Variants in STK3 observed in about 807,000 individuals in gnomAD.
The protein encoded by STK3 is serine/threonine-protein kinase 3.
In STK3, 41 loss-of-function variants were observed where a neutral mutation model predicts 58.0. The ratio of observed to expected loss-of-function variants is 0.71; its 90% confidence interval spans 0.55 to 0.92. The LOEUF (loss-of-function observed/expected upper bound fraction) is 0.92. STK3 is among the 40% of genes least tolerant of loss of function. STK3 has a pLI of 0.00. For synonymous variants in STK3, 170 were observed against 191.0 expected (o/e 0.89, Z 0.91); for missense variants, 479 against 602.7 (o/e 0.79, Z 2.15).
chr8:98,425,652 G>A (rs544984843), intron 3 of STK3, among the ~76,000 whole-genome samples: 20 of 152,300 alleles, frequency 1.3e-4, no homozygotes, highest in Admixed American at 3.3e-4. Context: ...TGGGTCACAG[G>A]GATGGGTCAG....
chr8:98,825,236 C>T (rs1029253991), intron 1 of STK3, among the ~76,000 whole-genome samples: 1 of 152,182 alleles, frequency 6.6e-6, no homozygotes. Flanking sequence ...ATTCCTCCCG[C>T]CCCGGGAGGT....
At chr8:98,883,711 C>T (rs777409327), downstream of STK3, 30 of 702,834 alleles carry the variant, frequency 4.3e-5, no homozygotes, top group Admixed American at 6.0e-5. Context: ...GAGGCTGCTC[C>T]GTTCCTAAGG....
chr8:98,364,056 T>A, the STK3 span, among the ~76,000 whole-genome samples: 1 of 151,966 alleles, frequency 6.6e-6, no homozygotes. Context: ...GAAATCTTAG[T>A]GAGTTGGTGG....
intron 1 of STK3, among the ~76,000 whole-genome samples, chr8:98,887,094 C>T (rs1400050094): frequency 6.6e-6 from 1 of 151,640 alleles, no homozygotes; most frequent in African/African-American, 2.4e-5. Context: ...GAGACTCCAC[C>T]TCAAAAAAAG....
chr8:98,908,835 C>T (rs1414187359), intron 1 of STK3, among the ~76,000 whole-genome samples: 1 of 124,884 alleles, frequency 8.0e-6, no homozygotes, highest in Non-Finnish European at 1.6e-5. Flanking sequence ...AAGAGAGAGA[C>T]TTCTTCTCAA....
chr8:98,378,955 T>C (rs943359594), intron 2 of STK3, among the ~76,000 whole-genome samples: 1 of 151,942 alleles, frequency 6.6e-6, no homozygotes, highest in African/African-American at 2.4e-5. Flanking sequence ...GAGAACCCTG[T>C]GGTGTTTGGG....
chr8:98,914,461 T>TACACAC (rs34753292), intron 1 of STK3, among the ~76,000 whole-genome samples: 101 of 143,612 alleles, frequency 7.0e-4, no homozygotes, highest in African/African-American at 1.5e-3. Context: ...AGCACATGCC[T>TACACAC]ACACACACAC....
intron 1 of STK3, among the ~76,000 whole-genome samples, chr8:98,931,664 T>C (rs1422252454): frequency 6.6e-6 from 1 of 152,202 alleles, no homozygotes; most frequent in Admixed American, 6.5e-5. Flanking sequence ...CAAAAAACTT[T>C]GCTGACTGGC....
Position 98,805,579 on chromosome 8 carries a change from AAATAATAATAAT to A in STK3, c.26+19924_26+19935del, listed in dbSNP as rs546519221. On this transcript the variant is annotated intron_variant, in intron 1 of 10. Coordinates refer to ENST00000419617, the MANE Select transcript of STK3 (RefSeq NM_006281.4). ...ACAAGAGCAAAACTCCATCTCCAAA[AAATAATAATAAT>A]AATAATAATAATAACTGTAATATAA... Among the ~76,000 whole-genome samples the A allele has an allele frequency of 3.3e-5, 5 of 151,380 alleles. No homozygotes were observed. In the South Asian group the frequency reaches 8.3e-4, roughly 25 times the overall value.
chr8:98,704,882 G>A (rs1825863696), intron 6 of STK3, among the ~76,000 whole-genome samples: 1 of 152,072 alleles, frequency 6.6e-6, no homozygotes, highest in Non-Finnish European at 1.5e-5. Context: ...GTTGCCTTGG[G>A]TAATTTAGTA....
intron 10 of STK3, among the ~76,000 whole-genome samples, chr8:98,458,784 G>A (rs1026561323): frequency 1.3e-5 from 2 of 152,106 alleles, no homozygotes; most frequent in African/African-American, 2.4e-5. Context: ...CTCTCACCAC[G>A]TGAGAAGGTC....
At position 98,696,265 on chromosome 8, in the gene STK3, A is replaced by C. The variant is rs909247481; in HGVS notation, c.684+10202T>G. Among the ~76,000 whole-genome samples, 47 of 152,252 alleles carry C rather than the reference A, an allele frequency of 3.1e-4. No homozygotes were observed. The Middle Eastern group carries it at 0.014, about 44-fold the overall frequency. On this transcript the variant is annotated intron_variant, in intron 6 of 10. Transcript: ENST00000419617. ...CTAAGGGAGATTTTGGGCTGAGACA[A>C]TGGGGTTTTCTAGATATACAATCAT...
intron 6 of STK3, among the ~76,000 whole-genome samples, chr8:98,697,004 G>C (rs1458769727): frequency 2.0e-5 from 3 of 152,170 alleles, no homozygotes; most frequent in Admixed American, 6.5e-5. Flanking sequence ...TTTTTGGTTG[G>C]TAAGCTATTG....
intron 6 of STK3, among the ~76,000 whole-genome samples, chr8:98,682,135 T>C (rs1823683546): frequency 6.6e-6 from 1 of 151,976 alleles, no homozygotes; most frequent in Non-Finnish European, 1.5e-5. Flanking sequence ...TAGAAAAGCA[T>C]CTACATATGT....
intron 6 of STK3, among the ~76,000 whole-genome samples, chr8:98,645,901 C>A (rs963222113): frequency 6.6e-6 from 1 of 152,102 alleles, no homozygotes; most frequent in Non-Finnish European, 1.5e-5. Context: ...TTCCTGAGCT[C>A]AAGCAATCCA....
intron 6 of STK3, among the ~76,000 whole-genome samples, chr8:98,644,272 TA>T (rs1180234521): frequency 1.3e-5 from 2 of 152,240 alleles, no homozygotes; most frequent in Non-Finnish European, 2.9e-5. Flanking sequence ...TGTTTGACTT[TA>T]AAAGTCAAAG....
intron 3 of STK3, among the ~76,000 whole-genome samples, chr8:98,839,822 C>T (rs1159641313): frequency 6.6e-6 from 1 of 152,058 alleles, no homozygotes; most frequent in East Asian, 1.9e-4. Flanking sequence ...ATCTCAGGGG[C>T]ACCTTGCGAA....
At chr8:98,347,958 A>G in the STK3 span, among the ~76,000 whole-genome samples, 1 of 152,340 alleles carries the variant, frequency 6.6e-6, no homozygotes, top group Non-Finnish European at 1.5e-5. Flanking sequence ...AATAGCCAAC[A>G]CAATATTGAG....
intron 3 of STK3, among the ~76,000 whole-genome samples, chr8:98,854,151 ATTT>A (rs1836581724): frequency 6.6e-6 from 1 of 152,062 alleles, no homozygotes; most frequent in African/African-American, 2.4e-5. Flanking sequence ...TTATTTATTT[ATTT>A]TTGAGATGGA....
Sources: allele counts gnomAD v4.1 joint callset (sites outside exome capture counted in the v4.1 genomes callset), GRCh38; gene constraint gnomAD v4.1.1; transcripts MANE v1.5; gene names NCBI Gene and HGNC (gene_info 2026-07-23, HGNC 2026-07-21).